IRS4: variants seen among roughly 807,000 people sequenced by gnomAD.
IRS4 encodes insulin receptor substrate 4, also known as 160 kDa phosphotyrosine protein.
Under a neutral mutation model 48.6 loss-of-function variants are expected in IRS4, and 15 were observed. That is an observed-to-expected ratio of 0.31 (90% confidence interval 0.21 to 0.48). IRS4 has a LOEUF of 0.48. IRS4 is among the 20% of genes least tolerant of loss of function. The pLI is 0.99. For synonymous variants in IRS4, 459 were observed against 413.2 expected (o/e 1.11, Z -1.34); for missense variants, 987 against 1,023.4 (o/e 0.96, Z 0.49).
At chrX:108,726,963 C>G (rs2068879813) in intron 1 of IRS4, 1 of 111,993 alleles carries the variant, frequency 8.9e-6, no homozygotes, top group Non-Finnish European at 1.9e-5. Flanking sequence ...TGGGAGTGAT[C>G]AACATCTGGC....
intron 1 of IRS4, chrX:108,725,893 C>A (rs2068872618): frequency 8.9e-6 from 1 of 112,096 alleles, no homozygotes. Flanking sequence ...TCGTTTTACA[C>A]CTGCCCTTTG....
Position 108,734,758 on chromosome X carries a change from G to A in IRS4, c.1587C>T (p.Ser529=). 1 of 1,210,514 alleles carries A rather than the reference G, an allele frequency of 8.3e-7. No individual in the cohort carries two copies. Among genetic ancestry groups the A allele is most frequent in the Non-Finnish European group, 1.1e-6 (1 of 895,216 alleles). ...GGCCATTTGAGCCCTGACCACCTCG[G>A]GATCCCTGTCCCTCGCCTGAACACT... ...GNQCSGEGQG[S]RGGQGSNGQG... is the part of the protein sequence containing the mutation. Residue 529 remains serine, a synonymous_variant, in exon 1 of 2, where the codon TCC becomes TCT. Transcript: ENST00000372129.
At position 108,734,873 on chromosome X, in the gene IRS4, T is replaced by C. The variant is rs2068936012; in HGVS notation, c.1472A>G (p.Asn491Ser). 8.3e-7 allele frequency: 1 copy of C among 1,210,408 alleles called. No individual in the cohort carries two copies. Among genetic ancestry groups the C allele is most frequent in the South Asian group, 1.8e-5 (1 of 56,842 alleles). ...CCGGCCATTTCCTGAGCCCCAATTG[T>C]TCATAGGCATGTAGTCACCTCCGCT... is the stretch of plus-strand genomic sequence containing the variant. ...EGSGGDYMPM[N>S]NWGSGNGRGS... Residue 491 changes from asparagine to serine, a missense_variant, in exon 1 of 2, where the codon AAC becomes AGC. Physicochemically the swap from Asn to Ser is conservative, Grantham distance 46 (BLOSUM62 1). Around this residue, in one of 4 missense-constraint regions of IRS4, gnomAD observed 720 missense variants for 660.3 expected, o/e 1.09. Coordinates refer to ENST00000372129, the MANE Select transcript of IRS4 (RefSeq NM_001379150.1).
At chrX:108,724,949 A>T (rs1341072245) in intron 1 of IRS4, 2 of 112,022 alleles carry the variant, frequency 1.8e-5, no homozygotes, top group East Asian at 5.6e-4. Flanking sequence ...GTGGACTCTG[A>T]TGAGTCAAAA....
In IRS4 at chrX:108,721,096, A is replaced by G. The variant is rs138204398; in HGVS notation, c.*1423T>C. The G allele has an allele frequency of 1.1e-3, 126 of 113,064 alleles. No individual in the cohort carries two copies. Among genetic ancestry groups the G allele is most frequent in the African/African-American group, 3.6e-3 (112 of 31,213 alleles). The allele number at this position is 113,064 out of a possible 1,213,427, so 9.3% of individuals were successfully genotyped here. On this transcript the variant is annotated 3_prime_UTR_variant, in exon 2 of 2. Coordinates refer to ENST00000372129, the MANE Select transcript of IRS4 (RefSeq NM_001379150.1). ...TTTACACACAACAGGTACATCTACA[A>G]TCACATGTACACAGGTACACAAAGT...
intron 1 of IRS4, chrX:108,723,045 A>C (rs763080252): frequency 8.9e-6 from 1 of 112,463 alleles, no homozygotes; most frequent in African/African-American, 3.2e-5. Context: ...ATAAAAGAAA[A>C]AAGTTCCAGC....
intron 1 of IRS4, among the ~76,000 whole-genome samples, chrX:108,728,333 C>A (rs1943137286): frequency 8.9e-6 from 1 of 112,312 alleles, no homozygotes; most frequent in South Asian, 3.7e-4. Flanking sequence ...GAATGAATTA[C>A]TTACAACAAA....
chrX:108,725,460 C>CAA (rs397968164), intron 1 of IRS4, among the ~76,000 whole-genome samples: 46 of 59,810 alleles, frequency 7.7e-4, no homozygotes, highest in Non-Finnish European at 8.8e-4. Flanking sequence ...AGTAAAGCAC[C>CAA]AAAAAAAAAA....
Position 108,732,979 on chromosome X carries a change from CG to C in IRS4, c.3365del (p.Ser1122TrpfsTer7). On this transcript the variant is annotated frameshift_variant, in exon 1 of 2. Coordinates refer to ENST00000372129, the MANE Select transcript of IRS4 (RefSeq NM_001379150.1). LOFTEE classifies it high-confidence loss of function. ...TGAGGGCTAAAGTCGGCTCTGCAGC[CG>C]AAGCGACAGCCGGGGCTGAGGATGG... ...LSPSSAPAVA[S>X]AAEPTLALSQ... The C allele has an allele frequency of 8.3e-7, 1 of 1,202,798 alleles. No individual in the cohort carries two copies. The highest frequency in any genetic ancestry group is 1.1e-6 in the Non-Finnish European group (1 of 888,796).
Position 108,722,365 on chromosome X carries a change from T to C in IRS4, c.*154A>G, listed in dbSNP as rs1422591413. 1.7e-5 allele frequency: 4 copies of C among 241,861 alleles called. No individual in the cohort carries two copies. In the East Asian group the frequency reaches 4.2e-4, roughly 25 times the overall value. 19.9% of individuals were successfully genotyped at this position (241,861 alleles called of 1,213,427 possible). On this transcript the variant is annotated 3_prime_UTR_variant, in exon 2 of 2. Transcript: ENST00000372129. ...GATCTGCATGAATAGGATCATTCAA[T>C]TGCCAGAGTCCACTTGTAGGCTTGT...
In IRS4 at chrX:108,729,562, T is replaced by C. The variant is rs140969175; in HGVS notation, c.3766+3017A>G. The stretch of plus-strand genomic sequence containing the variant: ...TAAATGCTAATGCCTATAACCTATG[T>C]GTTTAAAATGTGAAGACTTCATCTT... On this transcript the variant is annotated intron_variant, in intron 1 of 1. Transcript: ENST00000372129. 5.9e-4 allele frequency among the ~76,000 whole-genome samples: 66 copies of C among 112,163 alleles called. 1 individual carries two copies. The East Asian group carries it at 0.017, about 28-fold the overall frequency.
In IRS4 at chrX:108,736,534, G is replaced by A; in HGVS notation, c.-190C>T. 2.8e-6 allele frequency: 2 copies of A among 709,343 alleles called. No homozygotes were observed. Among genetic ancestry groups the A allele is most frequent in the Non-Finnish European group, 4.1e-6 (2 of 484,325 alleles). 58.5% of individuals were successfully genotyped at this position (709,343 alleles called of 1,213,427 possible). A position where few individuals can be genotyped will look rare whatever the true frequency, so the allele number is the denominator to read the frequency against. On this transcript the variant is annotated 5_prime_UTR_variant, in exon 1 of 2. Coordinates refer to ENST00000372129, the MANE Select transcript of IRS4 (RefSeq NM_001379150.1). ...ACACGTGACCACAGCCTCACGCGGC[G>A]GCCGCTGCGGATCCTGCTACCGGCG... is the stretch of plus-strand genomic sequence containing the variant.
intron 1 of IRS4, among the ~76,000 whole-genome samples, chrX:108,728,983 A>G (rs1316863749): frequency 8.9e-6 from 1 of 112,108 alleles, no homozygotes; most frequent in Non-Finnish European, 1.9e-5. Flanking sequence ...ATGATTGTGA[A>G]CAACTTTAGT....
At chrX:108,731,234 C>A (rs1252310774) in intron 1 of IRS4, among the ~76,000 whole-genome samples, 1 of 110,749 alleles carries the variant, frequency 9.0e-6, no homozygotes, top group Non-Finnish European at 1.9e-5. Flanking sequence ...GGGGGCTACA[C>A]CTGCATTAAA....
intron 1 of IRS4, chrX:108,724,248 A>C (rs2068865674): frequency 1.8e-5 from 2 of 111,403 alleles, no homozygotes; most frequent in Non-Finnish European, 3.8e-5. Context: ...TTTTTAAATG[A>C]CAGAGCCTCT....
rs1245414922 is a variant in IRS4 at position 108,736,492 on chromosome X, C to A, written c.-148G>T. ...CCCCGCCCACTCCACTCTGAGCGCA[C>A]GACAGCGGGCAAAACAACACGTGAC... On this transcript the variant is annotated 5_prime_UTR_variant, in exon 1 of 2. Transcript: ENST00000372129. 1.1e-5 allele frequency: 10 copies of A among 946,862 alleles called. No homozygotes were observed. Among genetic ancestry groups the A allele is most frequent in the Non-Finnish European group, 1.4e-5 (10 of 691,951 alleles). The allele number at this position is 946,862 out of a possible 1,213,427, so 78.0% of individuals were successfully genotyped here. A position where few individuals can be genotyped will look rare whatever the true frequency, so the allele number is the denominator to read the frequency against.
In IRS4 at chrX:108,721,119, A is replaced by C. The variant is rs1216528024; in HGVS notation, c.*1400T>G. 2 of 112,936 alleles carry C rather than the reference A, an allele frequency of 1.8e-5. No homozygotes were observed. Among genetic ancestry groups the C allele is most frequent in the African/African-American group, 6.4e-5 (2 of 31,105 alleles). The allele number at this position is 112,936 out of a possible 1,213,427, so 9.3% of individuals were successfully genotyped here. On this transcript the variant is annotated 3_prime_UTR_variant, in exon 2 of 2. Coordinates refer to ENST00000372129, the MANE Select transcript of IRS4 (RefSeq NM_001379150.1). ...CAATCACATGTACACAGGTACACAA[A>C]GTGTGCATACACACGAATATGTACA...
rs780609861 is a variant in IRS4, at chrX:108,735,582, G to A, written c.763C>T (p.Arg255Trp). The change falls in exon 1 of 2, where the codon CGG (arginine) becomes TGG (tryptophan). Residue 255 changes from arginine to tryptophan, a missense_variant. Physicochemically the swap from Arg to Trp is moderately radical, Grantham distance 101. Coordinates refer to ENST00000372129, the MANE Select transcript of IRS4 (RefSeq NM_001379150.1). ...GHRKELSGVF[R>W]LCLTDEEVVF... Reference sequence around the variant, plus strand: ...ACCTCCTCGTCGGTTAGACACAGCCGGAACACGCCGCTCAGCTCTTTTCTG... The same window carrying A: ...ACCTCCTCGTCGGTTAGACACAGCCAGAACACGCCGCTCAGCTCTTTTCTG... 2 of 1,206,073 alleles carry A rather than the reference G, an allele frequency of 1.7e-6. No individual in the cohort carries two copies. The highest frequency in any genetic ancestry group is 3.6e-5 in the African/African-American group (2 of 56,100).
Position 108,734,146 on chromosome X carries a change from A to C in IRS4, c.2199T>G (p.Ser733=). 8.3e-7 allele frequency: 1 copy of C among 1,211,034 alleles called. No individual in the cohort carries two copies. Among genetic ancestry groups the C allele is most frequent in the Non-Finnish European group, 1.1e-6 (1 of 895,253 alleles). Residue 733 remains serine (S), a synonymous_variant, in exon 1 of 2, where the codon TCT becomes TCG. Transcript: ENST00000372129. ...CTCTTGAATCTTCAAAAGGGGATCG[A>C]GAGTGGCGCTTTTTTGAAGCAGAGA... ...QNVSASKKRH[S]RSPFEDSRGY...
Sources: gnomAD v4.1 joint callset for allele counts (sites outside exome capture counted in the v4.1 genomes callset) on GRCh38, gnomAD v4.1.1 for gene constraint, gnomAD v4.1.1 regional missense constraint, MANE v1.5 for transcripts, NCBI Gene and HGNC (gene_info 2026-07-23, HGNC 2026-07-21) for gene names.